COP1: variants seen among roughly 807,000 people sequenced by gnomAD.
The protein encoded by COP1 is E3 ubiquitin-protein ligase COP1.
A neutral mutation model predicts 101.3 loss-of-function variants in COP1; 24 were observed. The ratio of observed to expected loss-of-function variants is 0.24; its 90% confidence interval spans 0.17 to 0.33. The LOEUF is 0.33. COP1 is among the 10% of genes least tolerant of loss of function. The probability of loss-of-function intolerance (pLI) is 1.00; values close to 1 mark genes in which losing one functional copy is unlikely to be tolerated. For synonymous variants in COP1, 347 were observed against 341.9 expected (o/e 1.01, Z -0.17); for missense variants, 663 against 906.2 (o/e 0.73, Z 3.45).
intron 1 of COP1, among the ~76,000 whole-genome samples, chr1:176,191,665 C>T (rs145054797): frequency 2.0e-5 from 3 of 152,138 alleles, no homozygotes; most frequent in East Asian, 3.9e-4. Context: ...CCAATCTTCA[C>T]AGGCAGCAGT....
At position 176,207,164 on chromosome 1, in the gene COP1, G is replaced by A. The variant is rs1353486820; in HGVS notation, c.-186C>T. 15 of 442,714 alleles carry A rather than the reference G, an allele frequency of 3.4e-5. No homozygotes were observed. The Admixed American group carries it at 6.1e-4, about 18-fold the overall frequency. The allele number at this position is 442,714 out of a possible 1,614,324, so 27.4% of individuals were successfully genotyped here. ...CACACAACAGCGTCCCACGGGAGGG[G>A]GCGGAGGAAACTAAAAAAGCGGAGT... On this transcript the variant is annotated 5_prime_UTR_variant, in exon 1 of 20. Coordinates refer to ENST00000367669, the MANE Select transcript of COP1 (RefSeq NM_022457.7).
intron 1 of COP1, among the ~76,000 whole-genome samples, chr1:176,190,826 C>T (rs906099694): frequency 1.3e-5 from 2 of 151,872 alleles, no homozygotes; most frequent in Non-Finnish European, 2.9e-5. Context: ...AGTACAAATG[C>T]TAACTCCATT....
chr1:176,154,753 A>G (rs1026572727), intron 5 of COP1, among the ~76,000 whole-genome samples: 6 of 152,182 alleles, frequency 3.9e-5, no homozygotes, highest in African/African-American at 1.4e-4. Flanking sequence ...TTACCTATAT[A>G]TAACAAACCT....
At chr1:176,195,894 G>A (rs907062407) in intron 1 of COP1, among the ~76,000 whole-genome samples, 13 of 152,190 alleles carry the variant, frequency 8.5e-5, no homozygotes, top group Non-Finnish European at 1.5e-4. Flanking sequence ...AATCGGGGAC[G>A]GAGGGGGTTA....
chr1:175,955,695 A>C (rs1424152780), intron 18 of COP1, among the ~76,000 whole-genome samples: 1 of 151,702 alleles, frequency 6.6e-6, no homozygotes, highest in Non-Finnish European at 1.5e-5. Context: ...CTAACAATAA[A>C]TGATAAGCAA....
At chr1:176,066,890 G>C (rs937798952) in intron 11 of COP1, among the ~76,000 whole-genome samples, 4 of 152,214 alleles carry the variant, frequency 2.6e-5, no homozygotes, top group African/African-American at 9.6e-5. Context: ...TCCGCCCTTG[G>C]AACAGTTGGT....
chr1:176,060,010 T>C (rs1044575638), intron 11 of COP1, among the ~76,000 whole-genome samples: 22 of 152,220 alleles, frequency 1.4e-4, no homozygotes, highest in African/African-American at 5.1e-4. Context: ...TGCTAGATAA[T>C]TGCTGACCTT....
chr1:176,100,185 T>C, intron 9 of COP1: 2 of 173,922 alleles, frequency 1.1e-5, no homozygotes, highest in South Asian at 8.6e-5. Flanking sequence ...AGGTCAGGAG[T>C]TCGAGACCAG....
chr1:175,954,910 T>C (rs1210674945), intron 18 of COP1, among the ~76,000 whole-genome samples: 3 of 152,022 alleles, frequency 2.0e-5, no homozygotes, highest in East Asian at 1.9e-4. Flanking sequence ...GATATTAAAA[T>C]TGGTTTTCAA....
intron 15 of COP1, among the ~76,000 whole-genome samples, chr1:176,021,456 G>T (rs765727360): frequency 4.9e-4 from 74 of 152,032 alleles, no homozygotes; most frequent in Non-Finnish European, 8.4e-4. Flanking sequence ...TCATTGATTT[G>T]CTTTACATTA....
In COP1 at chr1:176,206,667, G is replaced by T; in HGVS notation, c.312C>A (p.Ser104=). The change falls in exon 1 of 20, where the codon TCC becomes TCA. Residue 104 remains serine (S), a synonymous_variant. Transcript: ENST00000367669. ...RPSAGVGGSS[S]SLGSGSRKRP... is the part of the protein sequence containing the mutation. ...GCTTCCTGCTGCCGCTGCCTAGGCT[G>T]GAGCTGCTGCCTCCTACGCCGGCGC... is the stretch of plus-strand genomic sequence containing the variant. 1 of 1,610,604 alleles carries T rather than the reference G, an allele frequency of 6.2e-7. No individual in the cohort carries two copies. The highest frequency in any genetic ancestry group is 1.1e-5 in the South Asian group (1 of 91,076).
rs150097092 is a variant in COP1 at position 176,068,242 on chromosome 1, G to A, written c.1277+12910C>T. Among the ~76,000 whole-genome samples, 399 of 152,074 alleles carry A rather than the reference G, an allele frequency of 2.6e-3. 3 individuals are homozygous for A. Among genetic ancestry groups the A allele is most frequent in the African/African-American group, 9.2e-3 (381 of 41,464 alleles). Reference sequence around the variant, plus strand: ...TTCCTTCTTCCTTCTCTCCCTGCCTGCTTTCTTCCTTTCTTCCCTCCCTCC... The same window carrying A: ...TTCCTTCTTCCTTCTCTCCCTGCCTACTTTCTTCCTTTCTTCCCTCCCTCC... On this transcript the variant is annotated intron_variant, in intron 11 of 19. Transcript: ENST00000367669.
intron 18 of COP1, among the ~76,000 whole-genome samples, chr1:175,979,499 T>C (rs201428471): frequency 6.8e-6 from 1 of 146,360 alleles, no homozygotes; most frequent in Admixed American, 6.8e-5. Context: ...GATATGCCTT[T>C]AAAAAAAAAA....
chr1:175,960,615 T>C (rs920405632), intron 18 of COP1, among the ~76,000 whole-genome samples: 1 of 152,162 alleles, frequency 6.6e-6, no homozygotes, highest in Non-Finnish European at 1.5e-5. Context: ...GACTGTTTAG[T>C]AATAATATGT....
chr1:176,143,150 G>GAA (rs1691011760), intron 6 of COP1, among the ~76,000 whole-genome samples: 1 of 151,430 alleles, frequency 6.6e-6, no homozygotes, highest in African/African-American at 2.4e-5. Flanking sequence ...GAGAGAAAGA[G>GAA]AGAGAGAGAG....
chr1:176,167,071 C>T lies in COP1; in HGVS notation c.566-3180G>A, dbSNP rs139504354. Among the ~76,000 whole-genome samples the T allele has an allele frequency of 2.6e-5, 4 of 152,224 alleles. No homozygotes were observed. In the East Asian group the frequency reaches 7.7e-4, roughly 29 times the overall value. Reference sequence around the variant, plus strand: ...CAAGGGGTATTTTATTATTTTTGTACTTCAAAAATTTAACAGAAGAAAATC... The same window carrying T: ...CAAGGGGTATTTTATTATTTTTGTATTTCAAAAATTTAACAGAAGAAAATC... On this transcript the variant is annotated intron_variant, in intron 3 of 19. Coordinates refer to ENST00000367669, the MANE Select transcript of COP1 (RefSeq NM_022457.7).
intron 15 of COP1, among the ~76,000 whole-genome samples, chr1:176,024,280 C>T (rs919487176): frequency 7.2e-5 from 11 of 152,024 alleles, no homozygotes; most frequent in African/African-American, 1.4e-4. Flanking sequence ...TATAAAACTA[C>T]GGATGAATAT....
chr1:176,062,928 T>C (rs1005737666), intron 11 of COP1, among the ~76,000 whole-genome samples: 64 of 152,234 alleles, frequency 4.2e-4, no homozygotes, highest in African/African-American at 1.5e-3. Flanking sequence ...TTATAAGAAA[T>C]TTTTAAATGG....
At chr1:176,197,538 G>T (rs922100824) in intron 1 of COP1, among the ~76,000 whole-genome samples, 9 of 152,128 alleles carry the variant, frequency 5.9e-5, no homozygotes, top group African/African-American at 1.7e-4. Flanking sequence ...CTAGTCTGTT[G>T]TATTTTGTTA....
Sources: gnomAD v4.1 joint callset for allele counts (sites outside exome capture counted in the v4.1 genomes callset) on GRCh38, gnomAD v4.1.1 for gene constraint, MANE v1.5 for transcripts, NCBI Gene and HGNC (gene_info 2026-07-23, HGNC 2026-07-21) for gene names.